ATP8A2: variants seen among roughly 807,000 people sequenced by gnomAD.
The protein encoded by ATP8A2 is ATPase phospholipid transporting 8A2.
Under a neutral mutation model 165.6 loss-of-function variants are expected in ATP8A2, and 100 were observed. The observed-to-expected ratio is 0.60, with a 90% CI of 0.51 to 0.71. The LOEUF (loss-of-function observed/expected upper bound fraction) is 0.71, where lower values mean the gene tolerates loss of function less well. ATP8A2 is among the 30% of genes least tolerant of loss of function. The pLI, the probability that ATP8A2 is intolerant of heterozygous loss-of-function variation, is 0.00. For missense variants in ATP8A2, 1,227 were observed against 1,479.5 expected (o/e 0.83, Z 2.80); for synonymous variants, 543 against 548.8 (o/e 0.99, Z 0.15).
intron 30 of ATP8A2, among the ~76,000 whole-genome samples, chr13:25,858,946 TGTAATCCC>T (rs1952251950): frequency 6.6e-6 from 1 of 152,076 alleles, no homozygotes; most frequent in African/African-American, 2.4e-5. Context: ...GGCTCACGCC[TGTAATCCC>T]AGCACTTTGG....
In ATP8A2 at chr13:25,397,939, G is replaced by A. The variant is rs138941572; in HGVS notation, c.76+25651G>A. The stretch of plus-strand genomic sequence containing the variant: ...TTCACCTGAATTGTTGAAGGCAGCG[G>A]GAAGAAATGCATGGGTTAAGATAAG... On this transcript the variant is annotated intron_variant, in intron 1 of 36. Coordinates refer to ENST00000381655, the MANE Select transcript of ATP8A2 (RefSeq NM_016529.6). Among the ~76,000 whole-genome samples the A allele has an allele frequency of 2.4e-3, 367 of 152,304 alleles. 3 individuals are homozygous for A. The highest frequency in any genetic ancestry group is 8.6e-3 in the African/African-American group (356 of 41,554).
At chr13:25,418,604 G>T (rs1446328190) in intron 1 of ATP8A2, among the ~76,000 whole-genome samples, 1 of 152,164 alleles carries the variant, frequency 6.6e-6, no homozygotes, top group African/African-American at 2.4e-5. Flanking sequence ...AGAATGAAAT[G>T]AATGTGCAAA....
intron 33 of ATP8A2, among the ~76,000 whole-genome samples, chr13:25,920,974 G>A (rs1954434424): frequency 6.6e-6 from 1 of 152,160 alleles, no homozygotes; most frequent in South Asian, 2.1e-4. Context: ...GGAGGCTGAG[G>A]TGGGAGAATC....
chr13:25,673,497 A>G (rs2042308695), intron 24 of ATP8A2, among the ~76,000 whole-genome samples: 1 of 152,370 alleles, frequency 6.6e-6, no homozygotes, highest in African/African-American at 2.4e-5. Context: ...GAAGTCAAAC[A>G]TATTTTAACA....
At chr13:25,493,342 C>T (rs1231769152) in intron 2 of ATP8A2, among the ~76,000 whole-genome samples, 1 of 152,082 alleles carries the variant, frequency 6.6e-6, no homozygotes, top group African/African-American at 2.4e-5. Flanking sequence ...CTACTCATAA[C>T]TTTGTTTTTA....
intron 25 of ATP8A2, among the ~76,000 whole-genome samples, chr13:25,739,554 T>A (rs2043862283): frequency 6.6e-6 from 1 of 152,148 alleles, no homozygotes; most frequent in Admixed American, 6.6e-5. Flanking sequence ...CAAAATAAAT[T>A]CAACTTGTCT....
intron 2 of ATP8A2, among the ~76,000 whole-genome samples, chr13:25,495,155 C>A (rs912378087): frequency 6.6e-6 from 1 of 151,006 alleles, no homozygotes; most frequent in Non-Finnish European, 1.5e-5. Context: ...CCAGTTATAA[C>A]CTCCTGCTGC....
intron 33 of ATP8A2, among the ~76,000 whole-genome samples, chr13:25,948,420 A>G (rs1337123565): frequency 5.3e-5 from 8 of 152,212 alleles, no homozygotes; most frequent in Non-Finnish European, 1.0e-4. Context: ...TAAGCCTCAC[A>G]GTAGCCCTAC....
chr13:25,412,233 T>C (rs905664141), intron 1 of ATP8A2, among the ~76,000 whole-genome samples: 9 of 152,142 alleles, frequency 5.9e-5, no homozygotes, highest in African/African-American at 2.2e-4. Context: ...GAGGCAGAAG[T>C]ACCAGGGAGT....
intron 1 of ATP8A2, among the ~76,000 whole-genome samples, chr13:25,426,017 G>A (rs987285888): frequency 1.3e-5 from 2 of 152,182 alleles, no homozygotes; most frequent in Non-Finnish European, 2.9e-5. Context: ...ACCTACTGGA[G>A]GACATCTTGC....
At chr13:25,466,624 C>T (rs1301843534) in intron 1 of ATP8A2, among the ~76,000 whole-genome samples, 1 of 152,204 alleles carries the variant, frequency 6.6e-6, no homozygotes, top group Non-Finnish European at 1.5e-5. Flanking sequence ...TGACTGGGTG[C>T]TCATCAGCAT....
At chr13:25,713,442 G>A (rs1035740481) in intron 25 of ATP8A2, among the ~76,000 whole-genome samples, 4 of 152,120 alleles carry the variant, frequency 2.6e-5, no homozygotes, top group Non-Finnish European at 5.9e-5. Context: ...AAACCCTGCA[G>A]CCAATCAGCA....
chr13:25,875,104 A>AATG (rs1316502604), intron 33 of ATP8A2, among the ~76,000 whole-genome samples: 2 of 150,736 alleles, frequency 1.3e-5, no homozygotes, highest in Non-Finnish European at 3.0e-5. Context: ...GGGGAGGGGA[A>AATG]ATGAAGAGCT....
intron 33 of ATP8A2, 55 bp from the exon 34 acceptor site, chr13:25,961,520 G>C: frequency 7.6e-7 from 1 of 1,324,384 alleles, no homozygotes; most frequent in Non-Finnish European, 1.1e-6. Context: ...ACATTATGTT[G>C]CTCTGTTTTT....
intron 1 of ATP8A2, among the ~76,000 whole-genome samples, chr13:25,451,881 G>T (rs1268258815): frequency 1.3e-5 from 2 of 149,890 alleles, no homozygotes; most frequent in East Asian, 3.9e-4. Context: ...TTGAGATGGA[G>T]TCTCACTCTT....
At chr13:25,451,501 G>C (rs528154134) in intron 1 of ATP8A2, among the ~76,000 whole-genome samples, 5 of 152,220 alleles carry the variant, frequency 3.3e-5, no homozygotes, top group African/African-American at 1.2e-4. Context: ...GGAATGGCTA[G>C]TCTATACCTC....
At chr13:26,019,848 T>C (rs1351770235) in intron 36 of ATP8A2, 40 bp from the exon 37 acceptor site, 1 of 1,464,730 alleles carries the variant, frequency 6.8e-7, no homozygotes, top group Non-Finnish European at 9.6e-7. Flanking sequence ...CTCCCCCAAT[T>C]CTCCTGTTAA....
chr13:25,861,919 T>G (rs1952365518), intron 32 of ATP8A2, among the ~76,000 whole-genome samples: 1 of 152,198 alleles, frequency 6.6e-6, no homozygotes, highest in Non-Finnish European at 1.5e-5. Flanking sequence ...TAAAAACATC[T>G]TATTTATTTT....
intron 30 of ATP8A2, 36 bp downstream of exon 30, chr13:25,839,660 C>A (rs760227828): frequency 5.8e-6 from 9 of 1,555,958 alleles, no homozygotes; most frequent in Non-Finnish European, 8.0e-6. Context: ...CAGCAAGGAG[C>A]TTTGCAGCCG....
Sources: gnomAD v4.1 joint callset for allele counts (sites outside exome capture counted in the v4.1 genomes callset) on GRCh38, gnomAD v4.1.1 for gene constraint, MANE v1.5 for transcripts, NCBI Gene and HGNC (gene_info 2026-07-23, HGNC 2026-07-21) for gene names.